BOLL: variants seen among roughly 807,000 people sequenced by gnomAD.
BOLL encodes the protein protein boule-like.
BOLL carries 23 observed loss-of-function variants against 44.4 expected under a neutral mutation model. That is an observed-to-expected ratio of 0.52 (90% CI 0.37 to 0.73). The LOEUF (loss-of-function observed/expected upper bound fraction) is 0.73. BOLL is among the 30% of genes least tolerant of loss of function. BOLL has a pLI of 0.00. For missense variants in BOLL, 287 were observed against 338.3 expected, an observed-to-expected ratio of 0.85 and a Z score of 1.19; for synonymous variants, 97 against 110.8, an observed-to-expected ratio of 0.88 and a Z score of 0.78.
intron 10 of BOLL, among the ~76,000 whole-genome samples, chr2:197,740,295 T>G (rs1687672317): frequency 6.6e-6 from 1 of 152,180 alleles, no homozygotes; most frequent in African/African-American, 2.4e-5. Context: ...ATTATTTTAA[T>G]GCAAAGACTA....
Position 197,757,407 on chromosome 2 carries a change from T to G in BOLL, c.553-7A>C. ...GTAAATACTGTGTGGTGGCCTAAAA[T>G]TAAATAAAAGAAAAGAAAAACCCAT... On this transcript the variant is annotated splice_polypyrimidine_tract_variant and splice_region_variant and intron_variant, in intron 7 of 10. Transcript: ENST00000392296. 6.2e-7 allele frequency: 1 copy of G among 1,606,532 alleles called. No homozygotes were observed. Among genetic ancestry groups the G allele is most frequent in the African/African-American group, 1.3e-5 (1 of 74,598 alleles).
chr2:197,780,117 A>G (rs1237913568), intron 2 of BOLL, among the ~76,000 whole-genome samples: 1 of 152,088 alleles, frequency 6.6e-6, no homozygotes, highest in Non-Finnish European at 1.5e-5. Context: ...ATATTTGAAT[A>G]CAAATTAATT....
chr2:197,778,494 T>A (rs981386278), intron 3 of BOLL, among the ~76,000 whole-genome samples: 3 of 151,892 alleles, frequency 2.0e-5, no homozygotes, highest in African/African-American at 7.2e-5. Context: ...ATTTTCATTA[T>A]CATTGATATA....
intron 7 of BOLL, among the ~76,000 whole-genome samples, chr2:197,760,216 C>G (rs1688691536): frequency 6.6e-6 from 1 of 152,156 alleles, no homozygotes; most frequent in South Asian, 2.1e-4. Flanking sequence ...GCCTATGTCC[C>G]AGACTTGAGA....
chr2:197,738,126 A>G (rs1356109848), intron 10 of BOLL, among the ~76,000 whole-genome samples: 1 of 152,212 alleles, frequency 6.6e-6, no homozygotes, highest in Admixed American at 6.5e-5. Flanking sequence ...TCTTAGAAAC[A>G]TAATAGTTCA....
rs62139248 is a variant in BOLL at position 197,729,304 on chromosome 2, G to C, written c.829-726C>G. 6.1e-3 allele frequency among the ~76,000 whole-genome samples: 923 copies of C among 152,312 alleles called. 16 individuals carry two copies. The highest frequency in any genetic ancestry group is 0.021 in the African/African-American group (862 of 41,566). ...CGAGATTATATCTCGCACCTGGCTCGGAGGGTCCTACGCCCACGGAGTCTC... is the reference window on the plus strand; with the variant it reads ...CGAGATTATATCTCGCACCTGGCTCCGAGGGTCCTACGCCCACGGAGTCTC... On this transcript the variant is annotated intron_variant, in intron 10 of 10. Coordinates refer to ENST00000392296, the MANE Select transcript of BOLL (RefSeq NM_033030.6).
At chr2:197,747,476 G>A (rs1688038848) in intron 9 of BOLL, among the ~76,000 whole-genome samples, 1 of 151,268 alleles carries the variant, frequency 6.6e-6, no homozygotes, top group African/African-American at 2.4e-5. Context: ...CCAGCTACTT[G>A]GGAGGCTGAG....
At chr2:197,750,096 C>T (rs976632638) in intron 9 of BOLL, among the ~76,000 whole-genome samples, 1 of 152,154 alleles carries the variant, frequency 6.6e-6, no homozygotes, top group Non-Finnish European at 1.5e-5. Flanking sequence ...CAAGCAAATG[C>T]TGAGAGACTT....
At chr2:197,737,441 C>T (rs1199146828) in intron 10 of BOLL, among the ~76,000 whole-genome samples, 3 of 151,890 alleles carry the variant, frequency 2.0e-5, no homozygotes, top group Non-Finnish European at 2.9e-5. Context: ...TTTTTTGCTC[C>T]TCCTGCCTAG....
intron 7 of BOLL, among the ~76,000 whole-genome samples, chr2:197,759,907 G>C (rs1251695043): frequency 6.6e-6 from 1 of 152,182 alleles, no homozygotes; most frequent in Non-Finnish European, 1.5e-5. Context: ...CCCTGTGCAT[G>C]CAATTAGAGC....
At chr2:197,737,215 T>A (rs1268410151) in intron 10 of BOLL, among the ~76,000 whole-genome samples, 1 of 152,156 alleles carries the variant, frequency 6.6e-6, no homozygotes, top group Non-Finnish European at 1.5e-5. Flanking sequence ...ATTTATACTA[T>A]TCATCCTTGC....
In BOLL at chr2:197,775,687, T is replaced by G; in HGVS notation, c.330A>C (p.Arg110Ser). ...TACGAGGGATCCCTACTTGTTGTTT[T>G]CTTATTGCTGGACCAATGTTCAGCT... ...DKKLNIGPAI[R>S]KQQVGIPRSS... The change falls in exon 5 of 11, where the codon AGA becomes AGC. Residue 110 changes from arginine to serine, a missense_variant. Coordinates refer to ENST00000392296, the MANE Select transcript of BOLL (RefSeq NM_033030.6). 1 of 1,566,970 alleles carries G rather than the reference T, an allele frequency of 6.4e-7. No homozygotes were observed. The highest frequency in any genetic ancestry group is 8.7e-7 in the Non-Finnish European group (1 of 1,155,312).
intron 9 of BOLL, among the ~76,000 whole-genome samples, chr2:197,748,260 G>T (rs971324251): frequency 3.9e-5 from 6 of 152,200 alleles, no homozygotes; most frequent in Non-Finnish European, 8.8e-5. Flanking sequence ...CCCCTCGGGT[G>T]CCTACACCAC....
intron 2 of BOLL, 69 bp from the exon 3 acceptor site, chr2:197,779,135 G>C: frequency 8.4e-7 from 1 of 1,188,466 alleles, no homozygotes; most frequent in Non-Finnish European, 1.2e-6. Flanking sequence ...TCTCATGCTT[G>C]CTCTGGAGAC....
rs752530790 is a variant in BOLL, at chr2:197,766,516, T to G, written c.552+16A>C. 2.5e-6 allele frequency: 4 copies of G among 1,586,708 alleles called. No homozygotes were observed. The highest frequency in any genetic ancestry group is 3.5e-6 in the Non-Finnish European group (4 of 1,156,806). On this transcript the variant is annotated intron_variant, in intron 7 of 10. Transcript: ENST00000392296. ...TGAAAGTTTCAGAGAGAATTTTAAT[T>G]GTAATTTATGTTTACCTGGTAGTGA...
chr2:197,779,949 C>T (rs1323079442), intron 2 of BOLL, among the ~76,000 whole-genome samples: 1 of 151,928 alleles, frequency 6.6e-6, no homozygotes, highest in African/African-American at 2.4e-5. Flanking sequence ...GTTCAACTGC[C>T]ACCTCACTAC....
chr2:197,753,157 G>C (rs59722738), intron 9 of BOLL, among the ~76,000 whole-genome samples: 1 of 152,126 alleles, frequency 6.6e-6, no homozygotes, highest in East Asian at 1.9e-4. Flanking sequence ...ATTAACTCAC[G>C]ATGGATTAAT....
Position 197,777,039 on chromosome 2 carries a change from A to G in BOLL, c.276+20T>C. ...TACAAAATTTCCAGAAATGAAGTTA[A>G]ATACACCAAAAGATCATACCTCTTG... On this transcript the variant is annotated intron_variant, in intron 4 of 10. Transcript: ENST00000392296. 1 of 1,540,324 alleles carries G rather than the reference A, an allele frequency of 6.5e-7. No individual in the cohort carries two copies. The highest frequency in any genetic ancestry group is 1.8e-5 in the Admixed American group (1 of 55,268).
chr2:197,763,890 G>C (rs1357795504), intron 7 of BOLL, among the ~76,000 whole-genome samples: 2 of 152,040 alleles, frequency 1.3e-5, no homozygotes, highest in Non-Finnish European at 2.9e-5. Flanking sequence ...GATCTGAATA[G>C]ACATTTCTCA....
Sources: allele counts gnomAD v4.1 joint callset (sites outside exome capture counted in the v4.1 genomes callset), GRCh38; gene constraint gnomAD v4.1.1; transcripts MANE v1.5; gene names NCBI Gene and HGNC (gene_info 2026-07-23, HGNC 2026-07-21).